Variants in COL28A1 observed in about 807,000 individuals in gnomAD.
The protein encoded by COL28A1 is collagen type XXVIII alpha 1 chain.
Under a neutral mutation model 150.2 loss-of-function variants are expected in COL28A1, and 161 were observed. The observed-to-expected ratio is 1.07, with a 90% CI of 0.94 to 1.22. The LOEUF is 1.22. Among genes scored for constraint, COL28A1 ranks in the 50% most tolerant of loss-of-function variants. COL28A1 has a pLI of 0.00. For synonymous variants in COL28A1, 552 were observed against 469.7 expected (o/e 1.18, Z -2.26); for missense variants, 1,617 against 1,388.3 (o/e 1.16, Z -2.62).
chr7:7,502,246 G>A (rs927874584), intron 11 of COL28A1, among the ~76,000 whole-genome samples: 3 of 152,170 alleles, frequency 2.0e-5, no homozygotes, highest in African/African-American at 7.2e-5. Flanking sequence ...GTGTGGTAGA[G>A]GATGAGGTGG....
intron 3 of COL28A1, among the ~76,000 whole-genome samples, chr7:7,529,419 A>T (rs1035430157): frequency 6.6e-6 from 1 of 152,112 alleles, no homozygotes; most frequent in Non-Finnish European, 1.5e-5. Context: ...GGAAAGCAGC[A>T]CCTCCTTCTA....
intron 22 of COL28A1, 118 bp from the exon 23 acceptor site, chr7:7,436,581 GA>G (rs1785360060): frequency 1.4e-6 from 1 of 704,524 alleles, no homozygotes; most frequent in African/African-American, 1.8e-5. Flanking sequence ...CTCAGACCTT[GA>G]GATAGTATAT....
intron 13 of COL28A1, among the ~76,000 whole-genome samples, chr7:7,483,092 G>A (rs192072149): frequency 3.9e-5 from 6 of 152,258 alleles, no homozygotes; most frequent in African/African-American, 1.4e-4. Flanking sequence ...AAGATTTTTG[G>A]ATTTTACAAT....
intron 27 of COL28A1, among the ~76,000 whole-genome samples, chr7:7,413,505 T>C (rs1300580011): frequency 6.6e-6 from 1 of 152,212 alleles, no homozygotes; most frequent in East Asian, 1.9e-4. Flanking sequence ...GCGCAACTAG[T>C]TCTCACCAAT....
rs368714766 is a variant in COL28A1, at chr7:7,383,250, TTGTGTGTG to T, written c.2137-1646_2137-1639del. 6.5e-3 allele frequency among the ~76,000 whole-genome samples: 701 copies of T among 107,202 alleles called. 7 individuals carry two copies. The highest frequency in any genetic ancestry group is 0.023 in the African/African-American group (660 of 28,740). 70.3% of individuals were successfully genotyped at this position (107,202 alleles called of 152,430 possible). A position where few individuals can be genotyped will look rare whatever the true frequency, so the allele number is the denominator to read the frequency against. ...TTCAAAATAATACATCTTTTTTTTG[TTGTGTGTG>T]TGTGTGTGTGTGTGTGTGTGTGTGT... is the stretch of plus-strand genomic sequence containing the variant. On this transcript the variant is annotated intron_variant, in intron 27 of 34. Transcript: ENST00000399429.
intron 27 of COL28A1, among the ~76,000 whole-genome samples, chr7:7,411,304 T>A (rs1366526519): frequency 6.6e-6 from 1 of 152,176 alleles, no homozygotes; most frequent in African/African-American, 2.4e-5. Flanking sequence ...TTCCACATTA[T>A]GCCCCAAATT....
chr7:7,389,035 A>G (rs1245820189), intron 27 of COL28A1, among the ~76,000 whole-genome samples: 1 of 151,948 alleles, frequency 6.6e-6, no homozygotes, highest in Non-Finnish European at 1.5e-5. Context: ...TTTGGTCGCC[A>G]TTGCTTTTGG....
rs780363373 is a variant in COL28A1, at chr7:7,489,382, T to C, written c.1164+7A>G. 1.1e-5 allele frequency: 13 copies of C among 1,218,472 alleles called. No individual in the cohort carries two copies. The highest frequency in any genetic ancestry group is 1.5e-5 in the Non-Finnish European group (12 of 818,018). The allele number at this position is 1,218,472 out of a possible 1,614,324, so 75.5% of individuals were successfully genotyped here. On this transcript the variant is annotated splice_region_variant and intron_variant, in intron 13 of 34. Coordinates refer to ENST00000399429, the MANE Select transcript of COL28A1 (RefSeq NM_001037763.3). ...TTTTCATTCCATCTAGAATTTTTGCTACTTACTGGCTGTCCAGGCTCACCA... is the reference window on the plus strand; with the variant it reads ...TTTTCATTCCATCTAGAATTTTTGCCACTTACTGGCTGTCCAGGCTCACCA...
chr7:7,473,655 C>G (rs1788619572), intron 15 of COL28A1, among the ~76,000 whole-genome samples: 1 of 152,124 alleles, frequency 6.6e-6, no homozygotes, highest in South Asian at 2.1e-4. Context: ...AAAAGTATAA[C>G]TATCATTTGA....
At chr7:7,531,254 C>T in intron 3 of COL28A1, 94 bp downstream of exon 3, 1 of 552,882 alleles carries the variant, frequency 1.8e-6, no homozygotes, top group Non-Finnish European at 3.2e-6. Context: ...TCATTTTCTC[C>T]ATCTTTTTGA....
chr7:7,464,984 G>A (rs1787945731), intron 15 of COL28A1, among the ~76,000 whole-genome samples: 1 of 152,120 alleles, frequency 6.6e-6, no homozygotes, highest in Non-Finnish European at 1.5e-5. Flanking sequence ...AAATCTAAAA[G>A]AAATCCAAGC....
At chr7:7,498,732 T>G (rs1583509903) in intron 11 of COL28A1, among the ~76,000 whole-genome samples, 1 of 152,298 alleles carries the variant, frequency 6.6e-6, no homozygotes, top group Admixed American at 6.5e-5. Flanking sequence ...ATTGATGTAA[T>G]TACAAAGAAA....
At chr7:7,375,931 G>A (rs182231216) in intron 30 of COL28A1, among the ~76,000 whole-genome samples, 11 of 152,228 alleles carry the variant, frequency 7.2e-5, no homozygotes, top group Admixed American at 2.0e-4. Flanking sequence ...AAGACAAGCC[G>A]CAATGCCTAC....
intron 4 of COL28A1, 193 bp from the exon 5 acceptor site, chr7:7,522,154 GCTCT>G (rs1181185916): frequency 2.2e-5 from 14 of 640,370 alleles, no homozygotes; most frequent in African/African-American, 3.6e-5. Flanking sequence ...TGGATGTTTT[GCTCT>G]CTCTATTAAA....
In COL28A1 at chr7:7,406,311, G is replaced by C. The variant is rs146534631; in HGVS notation, c.2136+11548C>G. Reference sequence around the variant, plus strand: ...GTCTAACAGTATTACTGCAGGTGGAGCTTGGTCATCACCCACCAAGTAGCC... The same window carrying C: ...GTCTAACAGTATTACTGCAGGTGGACCTTGGTCATCACCCACCAAGTAGCC... On this transcript the variant is annotated intron_variant, in intron 27 of 34. Transcript: ENST00000399429. Among the ~76,000 whole-genome samples the C allele has an allele frequency of 2.2e-3, 334 of 152,274 alleles. 1 individual carries two copies. The highest frequency in any genetic ancestry group is 7.4e-3 in the African/African-American group (306 of 41,572).
chr7:7,502,567 T>A (rs1401895851), intron 11 of COL28A1, among the ~76,000 whole-genome samples: 1 of 152,120 alleles, frequency 6.6e-6, no homozygotes, highest in Non-Finnish European at 1.5e-5. Flanking sequence ...ATCTAGAACC[T>A]CTCGTGGAAT....
chr7:7,435,708 T>C (rs1013939670), intron 23 of COL28A1, among the ~76,000 whole-genome samples: 29 of 152,224 alleles, frequency 1.9e-4, no homozygotes, highest in African/African-American at 7.0e-4. Flanking sequence ...GTTTAGTACT[T>C]GAACCCTTTT....
intron 25 of COL28A1, among the ~76,000 whole-genome samples, chr7:7,430,825 T>G (rs1270656358): frequency 6.6e-6 from 1 of 152,090 alleles, no homozygotes; most frequent in Non-Finnish European, 1.5e-5. Context: ...CCAAATTTGG[T>G]GCAGTTTATT....
At chr7:7,462,533 A>G (rs1250282434) in intron 15 of COL28A1, among the ~76,000 whole-genome samples, 2 of 152,206 alleles carry the variant, frequency 1.3e-5, no homozygotes, top group African/African-American at 4.8e-5. Flanking sequence ...ATAAATAAAA[A>G]CAATCAAAAC....
Sources: gnomAD v4.1 joint callset for allele counts (sites outside exome capture counted in the v4.1 genomes callset) on GRCh38, gnomAD v4.1.1 for gene constraint, MANE v1.5 for transcripts, NCBI Gene and HGNC (gene_info 2026-07-23, HGNC 2026-07-21) for gene names.